CCBE1: variants seen among roughly 807,000 people sequenced by gnomAD.
The protein encoded by CCBE1 is collagen and calcium binding EGF domains 1.
CCBE1 carries 37 observed loss-of-function variants against 50.0 expected under a neutral mutation model. The observed-to-expected ratio is 0.74, with a 90% CI of 0.57 to 0.97. CCBE1 has a LOEUF of 0.97. Ranked by LOEUF, CCBE1 falls within the 50% of genes least tolerant of loss-of-function variation. CCBE1 has a pLI of 0.00. For missense variants in CCBE1, 538 were observed against 523.8 expected (o/e 1.03, Z -0.26); for synonymous variants, 234 against 203.7 (o/e 1.15, Z -1.27).
chr18:59,607,057 G>GGAA (rs1491154360), intron 2 of CCBE1, among the ~76,000 whole-genome samples: 16 of 117,374 alleles, frequency 1.4e-4, no homozygotes, highest in African/African-American at 4.8e-4. Context: ...GTTGAATTGG[G>GGAA]AAAAAAAAAA....
At chr18:59,454,987 G>T in intron 5 of CCBE1, 36 bp from the exon 6 acceptor site, 1 of 1,549,956 alleles carries the variant, frequency 6.5e-7, no homozygotes. Flanking sequence ...TGTCTGGGAG[G>T]CTGGATGCAA....
At chr18:59,603,132 A>T (rs1599053571) in intron 2 of CCBE1, among the ~76,000 whole-genome samples, 1 of 152,208 alleles carries the variant, frequency 6.6e-6, no homozygotes. Flanking sequence ...AAAAAAATCC[A>T]GTGTGTGTAT....
chr18:59,593,701 G>T (rs2053307265), intron 2 of CCBE1, among the ~76,000 whole-genome samples: 1 of 152,192 alleles, frequency 6.6e-6, no homozygotes, highest in Non-Finnish European at 1.5e-5. Context: ...TATTTGTGCT[G>T]ACATTCAAAC....
At chr18:59,459,819 G>A (rs11152149) in intron 5 of CCBE1, among the ~76,000 whole-genome samples, 36,903 of 152,038 alleles carry the variant, frequency 0.24, 5,499 homozygotes, top group East Asian at 0.48. Flanking sequence ...CACACCACCC[G>A]TCTGGGGATG....
chr18:59,468,659 T>TG (rs1911871598), intron 4 of CCBE1, among the ~76,000 whole-genome samples: 1 of 152,182 alleles, frequency 6.6e-6, no homozygotes, highest in Non-Finnish European at 1.5e-5. Flanking sequence ...GAAAGAGGGA[T>TG]GCTCATGACA....
At chr18:59,512,737 CTGT>C (rs1268709793) in intron 2 of CCBE1, among the ~76,000 whole-genome samples, 1 of 152,192 alleles carries the variant, frequency 6.6e-6, no homozygotes, top group Non-Finnish European at 1.5e-5. Context: ...AGCTGGCTGG[CTGT>C]TGATGAGGAA....
chr18:59,545,215 A>C (rs1465808190), intron 2 of CCBE1, among the ~76,000 whole-genome samples: 2 of 151,930 alleles, frequency 1.3e-5, no homozygotes, highest in Admixed American at 6.6e-5. Flanking sequence ...GCATCTCTAT[A>C]TATGTGTGTA....
At chr18:59,586,930 C>G (rs1226952738) in intron 2 of CCBE1, among the ~76,000 whole-genome samples, 1 of 152,154 alleles carries the variant, frequency 6.6e-6, no homozygotes, top group Non-Finnish European at 1.5e-5. Context: ...GGATAGCAAA[C>G]TTTCCATGAG....
chr18:59,446,113 C>T (rs1288587651), intron 7 of CCBE1, among the ~76,000 whole-genome samples: 1 of 152,186 alleles, frequency 6.6e-6, no homozygotes, highest in Admixed American at 6.5e-5. Flanking sequence ...TTTGGAATGT[C>T]CCCATTCAAA....
intron 2 of CCBE1, among the ~76,000 whole-genome samples, chr18:59,548,817 A>G (rs1050936373): frequency 1.3e-5 from 2 of 152,156 alleles, no homozygotes; most frequent in Non-Finnish European, 2.9e-5. Flanking sequence ...ACATGTGACT[A>G]ATGAATACTG....
chr18:59,619,489 G>A (rs776309260), intron 2 of CCBE1, among the ~76,000 whole-genome samples: 6 of 152,164 alleles, frequency 3.9e-5, no homozygotes, highest in Non-Finnish European at 7.4e-5. Flanking sequence ...CCAGCAGAAA[G>A]CAAGTTGTTG....
At chr18:59,566,854 CA>C (rs1242344970) in intron 2 of CCBE1, among the ~76,000 whole-genome samples, 1 of 152,024 alleles carries the variant, frequency 6.6e-6, no homozygotes. Flanking sequence ...GTTTAGCTAC[CA>C]AAAAAATCTC....
intron 2 of CCBE1, among the ~76,000 whole-genome samples, chr18:59,484,314 G>C (rs1176634676): frequency 2.0e-5 from 3 of 152,160 alleles, no homozygotes; most frequent in African/African-American, 7.2e-5. Context: ...AAAAACCCAC[G>C]TGTTTTTGAT....
At chr18:59,531,221 C>A (rs543464711) in intron 2 of CCBE1, among the ~76,000 whole-genome samples, 1 of 152,062 alleles carries the variant, frequency 6.6e-6, no homozygotes, top group East Asian at 1.9e-4. Flanking sequence ...TGAGAACTCC[C>A]AACATTGAGA....
intron 2 of CCBE1, among the ~76,000 whole-genome samples, chr18:59,644,212 G>C (rs1568250541): frequency 6.6e-6 from 1 of 152,228 alleles, no homozygotes. Context: ...GCCACCATGA[G>C]AATCTAATGC....
chr18:59,448,562 C>T (rs1910789928), intron 6 of CCBE1, among the ~76,000 whole-genome samples: 1 of 152,168 alleles, frequency 6.6e-6, no homozygotes, highest in Admixed American at 6.5e-5. Flanking sequence ...GAGAACATGG[C>T]TGACGGTTCC....
At chr18:59,658,354 A>AAT (rs71177048) in intron 2 of CCBE1, among the ~76,000 whole-genome samples, 3 of 11,286 alleles carry the variant, frequency 2.7e-4, no homozygotes, top group African/African-American at 4.0e-4. Context: ...AAAAAAAAAA[A>AAT]ATATATATAT....
At chr18:59,648,181 A>G (rs1599098944) in intron 2 of CCBE1, among the ~76,000 whole-genome samples, 1 of 152,364 alleles carries the variant, frequency 6.6e-6, no homozygotes, top group East Asian at 1.9e-4. Flanking sequence ...AGCAAGTTAG[A>G]AGCCTACTCA....
intron 2 of CCBE1, among the ~76,000 whole-genome samples, chr18:59,625,807 G>A (rs28459208): frequency 0.028 from 4,232 of 152,132 alleles, 193 homozygotes; most frequent in African/African-American, 0.097. Context: ...GGTACTGAGG[G>A]GTGGGGTCTT....
Sources: allele counts gnomAD v4.1 joint callset (sites outside exome capture counted in the v4.1 genomes callset), GRCh38; gene constraint gnomAD v4.1.1; transcripts MANE v1.5; gene names NCBI Gene and HGNC (gene_info 2026-07-23, HGNC 2026-07-21).